The following FANCC variants were observed in gnomAD, a reference collection of about 807,000 sequenced individuals.
FANCC encodes the protein FA complementation group C.
Under a neutral mutation model 71.3 loss-of-function variants are expected in FANCC, and 55 were observed. That is an observed-to-expected ratio of 0.77 (90% CI 0.62 to 0.97). The LOEUF is 0.97. Ranked by LOEUF, FANCC falls within the 50% of genes least tolerant of loss-of-function variation. The pLI, the probability that FANCC is intolerant of heterozygous loss-of-function variation, is 0.00. For synonymous variants in FANCC, 275 were observed against 244.9 expected (o/e 1.12, Z -1.15); for missense variants, 678 against 670.9 (o/e 1.01, Z -0.12).
At chr9:95,304,124 A>C (rs1331875118) in intron 1 of FANCC, among the ~76,000 whole-genome samples, 5 of 152,236 alleles carry the variant, frequency 3.3e-5, no homozygotes, top group Admixed American at 2.0e-4. Flanking sequence ...ATCAAATGTG[A>C]CTAGAATAAC....
chr9:95,294,689 A>G, intron 1 of FANCC: 1 of 1,596,056 alleles, frequency 6.3e-7, no homozygotes, highest in Non-Finnish European at 8.6e-7. Flanking sequence ...ACCAACAACG[A>G]AACTCAAACA....
intron 1 of FANCC, among the ~76,000 whole-genome samples, chr9:95,312,405 C>T (rs1217834588): frequency 6.6e-6 from 1 of 152,116 alleles, no homozygotes; most frequent in East Asian, 1.9e-4. Context: ...ACTCTGTTGC[C>T]CAGGCTGGAA....
At chr9:95,115,757 C>G (rs533114731) in intron 11 of FANCC, among the ~76,000 whole-genome samples, 1 of 152,338 alleles carries the variant, frequency 6.6e-6, no homozygotes, top group African/African-American at 2.4e-5. Flanking sequence ...ACTCCCGCGG[C>G]CCTTGGTGCA....
intron 1 of FANCC, among the ~76,000 whole-genome samples, chr9:95,286,524 A>G (rs4647394): frequency 0.01 from 1,600 of 152,384 alleles, 11 homozygotes; most frequent in South Asian, 0.029. Context: ...ACTGTGGCTA[A>G]TGAAAAGATG....
At chr9:95,196,347 C>T (rs959217322) in intron 4 of FANCC, among the ~76,000 whole-genome samples, 1 of 151,934 alleles carries the variant, frequency 6.6e-6, no homozygotes, top group African/African-American at 2.4e-5. Flanking sequence ...ATTTTTCCTG[C>T]ATCAATTGAT....
intron 6 of FANCC, among the ~76,000 whole-genome samples, chr9:95,151,992 A>T (rs1434001913): frequency 2.6e-5 from 4 of 151,982 alleles, no homozygotes; most frequent in African/African-American, 9.7e-5. Flanking sequence ...AGACCACACC[A>T]ATTTACTTTT....
At chr9:95,106,074 T>C (rs2134441462) in intron 14 of FANCC, among the ~76,000 whole-genome samples, 1 of 152,334 alleles carries the variant, frequency 6.6e-6, no homozygotes, top group South Asian at 2.1e-4. Context: ...ACGACGTTAA[T>C]GTCCCCACCG....
chr9:95,270,030 T>A (rs924750090), intron 1 of FANCC, among the ~76,000 whole-genome samples: 1 of 152,076 alleles, frequency 6.6e-6, no homozygotes, highest in South Asian at 2.1e-4. Context: ...ACACAGCACA[T>A]GTTTCAGAGA....
intron 4 of FANCC, among the ~76,000 whole-genome samples, chr9:95,239,409 T>G (rs756181814): frequency 6.6e-6 from 1 of 152,220 alleles, no homozygotes; most frequent in Non-Finnish European, 1.5e-5. Flanking sequence ...AACAGGCTAA[T>G]AAAGTCATGA....
Position 95,135,422 on chromosome 9 carries a change from T to C in FANCC, c.767A>G (p.His256Arg), listed in dbSNP as rs730881716. ...HLPSLEKAML[H>R]LFEKLISSER... ...ACTGGAGATTAGCTTTTCAAAAAGA[T>C]GCAGCATTGCTTTTTCAAGGCTGGG... Residue 256 changes from histidine to arginine, a missense_variant, in exon 8 of 15, where the codon CAT becomes CGT. Coordinates refer to ENST00000289081, the MANE Select transcript of FANCC (RefSeq NM_000136.3). 176 of 1,614,020 alleles carry C rather than the reference T, an allele frequency of 1.1e-4. No individual in the cohort carries two copies. The highest frequency in any genetic ancestry group is 1.5e-4 in the Non-Finnish European group (173 of 1,179,928).
At chr9:95,199,836 C>T (rs771994829) in intron 4 of FANCC, among the ~76,000 whole-genome samples, 1 of 152,130 alleles carries the variant, frequency 6.6e-6, no homozygotes, top group Non-Finnish European at 1.5e-5. Context: ...AAAAGTTTTA[C>T]ATTTTAAGAA....
At chr9:95,256,053 G>T (rs946162402) in intron 1 of FANCC, among the ~76,000 whole-genome samples, 4 of 152,044 alleles carry the variant, frequency 2.6e-5, no homozygotes, top group Non-Finnish European at 5.9e-5. Flanking sequence ...CAAAACCTAC[G>T]TTTAATTGGT....
chr9:95,301,329 A>G (rs1834720311), intron 1 of FANCC, among the ~76,000 whole-genome samples: 1 of 152,188 alleles, frequency 6.6e-6, no homozygotes, highest in Non-Finnish European at 1.5e-5. Flanking sequence ...TTATAATATC[A>G]TAACATTTTT....
rs747142087 is a variant in FANCC at position 95,111,650 on chromosome 9, C to G, written c.1155-13G>C. 1.2e-6 allele frequency: 2 copies of G among 1,614,114 alleles called. No homozygotes were observed. Among genetic ancestry groups the G allele is most frequent in the Middle Eastern group, 1.6e-4 (1 of 6,062 alleles). Reference sequence around the variant, plus strand: ...ACCTCCGCAGGACCTGGAACAGAGGCAGAACACATGGCAGTTGACAACCTA... The same window carrying G: ...ACCTCCGCAGGACCTGGAACAGAGGGAGAACACATGGCAGTTGACAACCTA... On this transcript the variant is annotated splice_polypyrimidine_tract_variant and intron_variant, in intron 12 of 14. Transcript: ENST00000289081.
chr9:95,187,916 C>G (rs1826830742), intron 4 of FANCC, among the ~76,000 whole-genome samples: 1 of 151,654 alleles, frequency 6.6e-6, no homozygotes, highest in Non-Finnish European at 1.5e-5. Context: ...CGTCTCAAGA[C>G]TTGGAGTCAG....
intron 1 of FANCC, among the ~76,000 whole-genome samples, chr9:95,260,300 T>C (rs945625119): frequency 6.6e-6 from 1 of 152,082 alleles, no homozygotes; most frequent in Non-Finnish European, 1.5e-5. Flanking sequence ...CAAATGCCCA[T>C]AAATGATAGA....
Position 95,171,109 on chromosome 9 carries a change from T to G in FANCC, c.491A>C (p.Asn164Thr), listed in dbSNP as rs950623649. Residue 164 changes from asparagine to threonine, a missense_variant, in exon 6 of 15, where the codon AAT becomes ACT. Physicochemically the swap from Asn to Thr is moderately conservative, Grantham distance 65. Coordinates refer to ENST00000289081, the MANE Select transcript of FANCC (RefSeq NM_000136.3). ...VLSLASELRE[N>T]HLNGFNTQRR... is the part of the protein sequence containing the mutation. ...TTGAGTGTTAAATCCATTAAGATGA[T>G]TCTCTCTGAGTTCAGACGCTAATGA... 2.5e-6 allele frequency: 4 copies of G among 1,613,500 alleles called. No individual in the cohort carries two copies. In the African/African-American group the frequency reaches 5.3e-5, roughly 22 times the overall value.
intron 4 of FANCC, among the ~76,000 whole-genome samples, chr9:95,217,792 T>C (rs766162810): frequency 6.6e-6 from 1 of 151,958 alleles, no homozygotes; most frequent in Non-Finnish European, 1.5e-5. Flanking sequence ...TCACAAACAA[T>C]AGATAAAATC....
At chr9:95,279,796 A>G (rs1833268878) in intron 1 of FANCC, among the ~76,000 whole-genome samples, 2 of 151,958 alleles carry the variant, frequency 1.3e-5, no homozygotes. Context: ...AAAAATACAA[A>G]AATTAGCTGG....
Sources: gnomAD v4.1 joint callset for allele counts (sites outside exome capture counted in the v4.1 genomes callset) on GRCh38, gnomAD v4.1.1 for gene constraint, MANE v1.5 for transcripts, NCBI Gene and HGNC (gene_info 2026-07-23, HGNC 2026-07-21) for gene names.